Variants in IFIT5 observed in about 807,000 individuals in gnomAD.
IFIT5 encodes the protein interferon-induced protein with tetratricopeptide repeats 5.
In IFIT5, 2 loss-of-function variants were observed where a neutral mutation model predicts 5.0. The observed-to-expected ratio is 0.40, with a 90% CI of 0.16 to 1.26. The LOEUF (loss-of-function observed/expected upper bound fraction) is 1.26, where lower values mean the gene tolerates loss of function less well. Among genes scored for constraint, IFIT5 ranks in the 50% most tolerant of loss-of-function variants. The probability of loss-of-function intolerance (pLI) is 0.33; values close to 1 mark genes in which losing one functional copy is unlikely to be tolerated. For synonymous variants in IFIT5, 206 were observed against 204.6 expected (o/e 1.01, Z -0.06); for missense variants, 524 against 563.2 (o/e 0.93, Z 0.70).
chr10:89,416,500 T>A (rs1212588301), intron 1 of IFIT5, among the ~76,000 whole-genome samples: 1 of 152,224 alleles, frequency 6.6e-6, no homozygotes, highest in Non-Finnish European at 1.5e-5. Flanking sequence ...AAAGACAAAG[T>A]TACAAAATTA....
In IFIT5 at chr10:89,417,931, A is replaced by T. The variant is rs1186695562; in HGVS notation, c.732A>T (p.Gln244His). Reference protein sequence around the residue: ...GEKYIEEILDQISSQPYVLRY... With the variant: ...GEKYIEEILDHISSQPYVLRY... ...AGTATATTGAAGAAATCCTGGACCA[A>T]ATATCATCCCAGCCTTACGTCCTTC... Residue 244 changes from glutamine (Q) to histidine (H), a missense_variant, in exon 2 of 2, where the codon CAA becomes CAT. Physicochemically the swap from Gln to His is conservative, Grantham distance 24. Transcript: ENST00000371795. 9.9e-6 allele frequency: 16 copies of T among 1,614,080 alleles called. No homozygotes were observed. The highest frequency in any genetic ancestry group is 1.1e-5 in the Non-Finnish European group (13 of 1,180,034).
In IFIT5 at chr10:89,418,148, G is replaced by C; in HGVS notation, c.949G>C (p.Asp317His). 1.2e-6 allele frequency: 2 copies of C among 1,614,192 alleles called. No homozygotes were observed. Among genetic ancestry groups the C allele is most frequent in the Non-Finnish European group, 1.7e-6 (2 of 1,180,016 alleles). ...RPKGKDKLKV[D>H]ELISSAIFHF... Reference sequence around the variant, plus strand: ...TAAAGGAAAGGATAAACTAAAGGTTGATGAGCTGATTTCATCTGCTATATT... The same window carrying C: ...TAAAGGAAAGGATAAACTAAAGGTTCATGAGCTGATTTCATCTGCTATATT... Residue 317 changes from aspartate to histidine, a missense_variant, in exon 2 of 2, where the codon GAT (aspartate) becomes CAT (histidine). Coordinates refer to ENST00000371795, the MANE Select transcript of IFIT5 (RefSeq NM_012420.3).
In IFIT5 at chr10:89,418,676, G is replaced by T; in HGVS notation, c.*28G>T. The T allele has an allele frequency of 9.1e-6, 14 of 1,539,952 alleles. No individual in the cohort carries two copies. The highest frequency in any genetic ancestry group is 6.5e-5 in the South Asian group (5 of 77,426). ...ACATACTCTAGGAAATTAGCTCTAA[G>T]TTTTTCCCTTCATTTTGGGTTCTCC... On this transcript the variant is annotated 3_prime_UTR_variant, in exon 2 of 2. Transcript: ENST00000371795.
Position 89,417,673 on chromosome 10 carries a change from G to A in IFIT5, c.474G>A (p.Lys158=), listed in dbSNP as rs114398188. ...LLKFGGKYYQ[K]AKAAFEKALE... is the part of the protein sequence containing the mutation. ...AATTTGGAGGAAAGTATTATCAAAA[G>A]GCTAAAGCGGCTTTTGAGAAGGCTC... is the stretch of plus-strand genomic sequence containing the variant. Residue 158 remains lysine, a synonymous_variant, in exon 2 of 2, where the codon AAG becomes AAA. Coordinates refer to ENST00000371795, the MANE Select transcript of IFIT5 (RefSeq NM_012420.3). 1.7e-3 allele frequency: 2,810 copies of A among 1,614,192 alleles called. 52 individuals carry two copies. The African/African-American group carries it at 0.034, about 20-fold the overall frequency.
Position 89,417,544 on chromosome 10 carries a change from G to T in IFIT5, c.345G>T (p.Lys115Asn), listed in dbSNP as rs770601620. 1 of 1,614,226 alleles carries T rather than the reference G, an allele frequency of 6.2e-7. No homozygotes were observed. Among genetic ancestry groups the T allele is most frequent in the Admixed American group, 1.7e-5 (1 of 60,016 alleles). ...YHMDQLEEAQ[K>N]YTGKIGNVCK... ...TGGACCAGCTTGAAGAAGCTCAGAA[G>T]TATACAGGTAAGATAGGGAATGTCT... Residue 115 changes from lysine to asparagine, a missense_variant, in exon 2 of 2, where the codon AAG (lysine) becomes AAT (asparagine). Coordinates refer to ENST00000371795, the MANE Select transcript of IFIT5 (RefSeq NM_012420.3).
In IFIT5 at chr10:89,419,969, A is replaced by G. The variant is rs1841582359; in HGVS notation, c.*1321A>G. 1 of 152,040 alleles carries G rather than the reference A, an allele frequency of 6.6e-6. No individual in the cohort carries two copies. The highest frequency in any genetic ancestry group is 1.5e-5 in the Non-Finnish European group (1 of 68,000). The allele number at this position is 152,040 out of a possible 1,614,324, so 9.4% of individuals were successfully genotyped here. A position where few individuals can be genotyped will look rare whatever the true frequency, so the allele number is the denominator to read the frequency against. On this transcript the variant is annotated 3_prime_UTR_variant, in exon 2 of 2. Transcript: ENST00000371795. Reference sequence around the variant, plus strand: ...TTACTTTTTGTTTTTTATCATCTTTAAAATTTCTATTATGGTTTGATTATT... The same window carrying G: ...TTACTTTTTGTTTTTTATCATCTTTGAAATTTCTATTATGGTTTGATTATT...
Position 89,418,235 on chromosome 10 carries a change from A to G in IFIT5, c.1036A>G (p.Asn346Asp), listed in dbSNP as rs779379603. ...MFAFAYTDLA[N>D]MYAEGGQYSN... Reference sequence around the variant, plus strand: ...TGCATTTGCCTACACAGACCTGGCCAACATGTACGCTGAAGGAGGCCAGTA... The same window carrying G: ...TGCATTTGCCTACACAGACCTGGCCGACATGTACGCTGAAGGAGGCCAGTA... Residue 346 changes from asparagine to aspartate, a missense_variant, in exon 2 of 2, where the codon AAC becomes GAC. Coordinates refer to ENST00000371795, the MANE Select transcript of IFIT5 (RefSeq NM_012420.3). The G allele has an allele frequency of 3.1e-6, 5 of 1,614,190 alleles. No individual in the cohort carries two copies. Among genetic ancestry groups the G allele is most frequent in the Non-Finnish European group, 4.2e-6 (5 of 1,180,006 alleles).
Position 89,418,283 on chromosome 10 carries a change from C to T in IFIT5, c.1084C>T (p.Arg362Trp), listed in dbSNP as rs139979024. Residue 362 changes from arginine to tryptophan, a missense_variant, in exon 2 of 2, where the codon CGG becomes TGG. Arg to Trp is a moderately radical substitution (Grantham distance 101). Transcript: ENST00000371795. The stretch of plus-strand genomic sequence containing the variant: ...GTATAGCAATGCTGAGGACATTTTC[C>T]GGAAAGCTCTTCGTCTGGAGAACAT... ...GQYSNAEDIFRKALRLENITD... is the reference protein window; with the variant it reads ...GQYSNAEDIFWKALRLENITD... 89 of 1,614,194 alleles carry T rather than the reference C, an allele frequency of 5.5e-5. 1 individual carries two copies. In the African/African-American group the frequency reaches 5.9e-4, roughly 11 times the overall value.
intron 1 of IFIT5, 24 bp downstream of exon 1, chr10:89,414,827 C>T (rs1478611965): frequency 1.2e-6 from 2 of 1,607,716 alleles, no homozygotes; most frequent in South Asian, 2.2e-5. Context: ...TTTGCCTCTC[C>T]TCCCAAGCCC....
intron 1 of IFIT5, among the ~76,000 whole-genome samples, chr10:89,415,662 T>C (rs973270145): frequency 2.6e-5 from 4 of 152,208 alleles, no homozygotes; most frequent in Non-Finnish European, 1.5e-5. Flanking sequence ...AGGAATGAGA[T>C]GTTAAGGTCT....
rs760158537 is a variant in IFIT5 at position 89,414,621 on chromosome 10, G to C, written c.-178G>C. On this transcript the variant is annotated 5_prime_UTR_variant, in exon 1 of 2. Coordinates refer to ENST00000371795, the MANE Select transcript of IFIT5 (RefSeq NM_012420.3). The stretch of plus-strand genomic sequence containing the variant: ...ATCTCCAGTTTCCTGTTCTTGCTGG[G>C]GCTGGGGTCTCTCCTTTAACAAAGA... 16 of 540,544 alleles carry C rather than the reference G, an allele frequency of 3.0e-5. No individual in the cohort carries two copies. Among genetic ancestry groups the C allele is most frequent in the Non-Finnish European group, 4.4e-5 (14 of 321,440 alleles). 33.5% of individuals were successfully genotyped at this position (540,544 alleles called of 1,614,324 possible). A position where few individuals can be genotyped will look rare whatever the true frequency, so the allele number is the denominator to read the frequency against.
At position 89,417,235 on chromosome 10, in the gene IFIT5, T is replaced by A; in HGVS notation, c.36T>A (p.Ile12=). Residue 12 remains isoleucine, a synonymous_variant, in exon 2 of 2, where the codon ATT becomes ATA. Coordinates refer to ENST00000371795, the MANE Select transcript of IFIT5 (RefSeq NM_012420.3). The part of the protein sequence containing the change: ...SEIRKDTLKA[I]LLELECHFTW... ...TTCGTAAGGACACCTTGAAGGCCATTCTGTTGGAGTTAGAATGTCATTTTA... is the reference window on the plus strand; with the variant it reads ...TTCGTAAGGACACCTTGAAGGCCATACTGTTGGAGTTAGAATGTCATTTTA... 2 of 1,604,780 alleles carry A rather than the reference T, an allele frequency of 1.2e-6. No homozygotes were observed. Among genetic ancestry groups the A allele is most frequent in the African/African-American group, 1.3e-5 (1 of 74,814 alleles).
chr10:89,417,250 A>C lies in IFIT5; in HGVS notation c.51A>C (p.Glu17Asp). Residue 17 changes from glutamate to aspartate, a missense_variant, in exon 2 of 2, where the codon GAA (glutamate) becomes GAC (aspartate). Coordinates refer to ENST00000371795, the MANE Select transcript of IFIT5 (RefSeq NM_012420.3). ...TGAAGGCCATTCTGTTGGAGTTAGA[A>C]TGTCATTTTACATGGAATTTACTTA... is the stretch of plus-strand genomic sequence containing the variant. The part of the protein sequence containing the change: ...DTLKAILLEL[E>D]CHFTWNLLKE... 5.6e-6 allele frequency: 9 copies of C among 1,611,364 alleles called. No homozygotes were observed. Among genetic ancestry groups the C allele is most frequent in the Non-Finnish European group, 7.6e-6 (9 of 1,177,706 alleles).
rs1202035803 is a variant in IFIT5 at position 89,417,291 on chromosome 10, T to C, written c.92T>C (p.Leu31Pro). ...AATTTACTTAAGGAAGACATTGATC[T>C]GTTTGAGGTAGAAGATACAATTGGG... ...TWNLLKEDID[L>P]FEVEDTIGQQ... is the part of the protein sequence containing the mutation. Residue 31 changes from leucine to proline, a missense_variant, in exon 2 of 2, where the codon CTG (leucine) becomes CCG (proline). Leu to Pro is a moderately conservative substitution (Grantham distance 98). Coordinates refer to ENST00000371795, the MANE Select transcript of IFIT5 (RefSeq NM_012420.3). 6.2e-7 allele frequency: 1 copy of C among 1,614,142 alleles called. No individual in the cohort carries two copies. The highest frequency in any genetic ancestry group is 8.5e-7 in the Non-Finnish European group (1 of 1,179,990).
At chr10:89,414,867 C>T in intron 1 of IFIT5, 64 bp downstream of exon 1, 2 of 1,584,924 alleles carry the variant, frequency 1.3e-6, no homozygotes, top group Non-Finnish European at 1.7e-6. Context: ...AACCGGGCTG[C>T]TTTTATTCAT....
Position 89,418,722 on chromosome 10 carries a change from T to C in IFIT5, c.*74T>C. Reference sequence around the variant, plus strand: ...TCTCCTGTTTGTTTTTTTTTTATTATTTTAATCCCTTGTTTATTATAGAGC... The same window carrying C: ...TCTCCTGTTTGTTTTTTTTTTATTACTTTAATCCCTTGTTTATTATAGAGC... On this transcript the variant is annotated 3_prime_UTR_variant, in exon 2 of 2. Transcript: ENST00000371795. 7.1e-7 allele frequency: 1 copy of C among 1,399,458 alleles called. No individual in the cohort carries two copies. The highest frequency in any genetic ancestry group is 9.7e-7 in the Non-Finnish European group (1 of 1,030,744). The allele number at this position is 1,399,458 out of a possible 1,614,324, so 86.7% of individuals were successfully genotyped here.
At position 89,418,833 on chromosome 10, in the gene IFIT5, C is replaced by G; in HGVS notation, c.*185C>G. The G allele has an allele frequency of 2.0e-6, 1 of 506,836 alleles. No individual in the cohort carries two copies. The highest frequency in any genetic ancestry group is 3.8e-5 in the Admixed American group (1 of 26,244). 31.4% of individuals were successfully genotyped at this position (506,836 alleles called of 1,614,324 possible). A position where few individuals can be genotyped will look rare whatever the true frequency, so the allele number is the denominator to read the frequency against. On this transcript the variant is annotated 3_prime_UTR_variant, in exon 2 of 2. Transcript: ENST00000371795. The stretch of plus-strand genomic sequence containing the variant: ...TGATGAATCTTGTGCGGTTTTCTTT[C>G]TTTTTTTCTTTTTAATTAAAATACT...
chr10:89,420,428 T>G lies in IFIT5; in HGVS notation c.*1780T>G, dbSNP rs1189740354. On this transcript the variant is annotated 3_prime_UTR_variant, in exon 2 of 2. Coordinates refer to ENST00000371795, the MANE Select transcript of IFIT5 (RefSeq NM_012420.3). ...CCTGAAAGTACATAACTTCTATCAC[T>G]TGCCACATAATTAAAAGAACTCACA... 3.3e-5 allele frequency: 5 copies of G among 152,234 alleles called. No individual in the cohort carries two copies. Among genetic ancestry groups the G allele is most frequent in the Non-Finnish European group, 5.9e-5 (4 of 68,040 alleles). The allele number at this position is 152,234 out of a possible 1,614,324, so 9.4% of individuals were successfully genotyped here.
chr10:89,418,296 G>T lies in IFIT5; in HGVS notation c.1097G>T (p.Arg366Leu), dbSNP rs575185602. The T allele has an allele frequency of 1.2e-6, 2 of 1,614,160 alleles. No individual in the cohort carries two copies. The highest frequency in any genetic ancestry group is 4.5e-5 in the East Asian group (2 of 44,892). Residue 366 changes from arginine to leucine, a missense_variant, in exon 2 of 2, where the codon CGT becomes CTT. Arg to Leu is a moderately radical substitution (Grantham distance 102). Coordinates refer to ENST00000371795, the MANE Select transcript of IFIT5 (RefSeq NM_012420.3). ...GAGGACATTTTCCGGAAAGCTCTTC[G>T]TCTGGAGAACATAACCGATGATCAC... Reference protein sequence around the residue: ...NAEDIFRKALRLENITDDHKH... With the variant: ...NAEDIFRKALLLENITDDHKH...
Sources: allele counts gnomAD v4.1 joint callset (sites outside exome capture counted in the v4.1 genomes callset), GRCh38; gene constraint gnomAD v4.1.1; transcripts MANE v1.5; gene names NCBI Gene and HGNC (gene_info 2026-07-23, HGNC 2026-07-21).